The following ANKS1B variants were observed in gnomAD, a reference collection of about 807,000 sequenced individuals.
ANKS1B encodes ankyrin repeat and sterile alpha motif domain containing 1B.
In ANKS1B, 36 loss-of-function variants were observed where a neutral mutation model predicts 148.3. The ratio of observed to expected loss-of-function variants is 0.24; its 90% CI spans 0.19 to 0.32. The LOEUF (loss-of-function observed/expected upper bound fraction) is 0.32. Among genes scored for constraint, ANKS1B ranks in the 10% least tolerant of loss-of-function variants. The pLI is 1.00. For synonymous variants in ANKS1B, 542 were observed against 560.8 expected (o/e 0.97, Z 0.47); for missense variants, 1,157 against 1,542.6 (o/e 0.75, Z 4.19).
chr12:99,568,234 TGCATTCCTTGG>T (rs1447195756), intron 9 of ANKS1B, among the ~76,000 whole-genome samples: 1 of 152,188 alleles, frequency 6.6e-6, no homozygotes, highest in Non-Finnish European at 1.5e-5. Flanking sequence ...AGAGGAGACT[TGCATTCCTTGG>T]GCTCATGGCC....
chr12:98,839,181 AT>A (rs2099391844), intron 17 of ANKS1B, among the ~76,000 whole-genome samples: 1 of 152,232 alleles, frequency 6.6e-6, no homozygotes, highest in Non-Finnish European at 1.5e-5. Context: ...GAGTTGTAAT[AT>A]AAAGGGGACA....
chr12:99,562,205 T>C (rs1195719925), intron 9 of ANKS1B, among the ~76,000 whole-genome samples: 1 of 152,218 alleles, frequency 6.6e-6, no homozygotes, highest in Non-Finnish European at 1.5e-5. Context: ...ACTGATGTGC[T>C]TTCATCCACC....
chr12:99,824,622 G>A (rs960060719), intron 2 of ANKS1B, among the ~76,000 whole-genome samples: 29 of 152,000 alleles, frequency 1.9e-4, no homozygotes, highest in African/African-American at 7.0e-4. Context: ...TTTTCTGTAG[G>A]GGAGGACAGA....
intron 9 of ANKS1B, among the ~76,000 whole-genome samples, chr12:99,623,167 T>C (rs1567501848): frequency 6.6e-6 from 1 of 151,890 alleles, no homozygotes; most frequent in African/African-American, 2.4e-5. Context: ...GTCATCTCAA[T>C]AGATGCAGAA....
At chr12:99,767,849 CATA>C (rs1405515244) in intron 8 of ANKS1B, among the ~76,000 whole-genome samples, 9 of 152,168 alleles carry the variant, frequency 5.9e-5, no homozygotes, top group African/African-American at 2.2e-4. Context: ...TACATTCAAT[CATA>C]ATAAGAATTT....
intron 9 of ANKS1B, among the ~76,000 whole-genome samples, chr12:99,636,861 T>C (rs925404996): frequency 1.3e-5 from 2 of 152,164 alleles, no homozygotes; most frequent in Non-Finnish European, 1.5e-5. Context: ...AATTTAATGT[T>C]TTAAAATACA....
intron 9 of ANKS1B, among the ~76,000 whole-genome samples, chr12:99,525,460 C>T (rs12301014): frequency 0.034 from 5,249 of 152,148 alleles, 309 homozygotes; most frequent in African/African-American, 0.12. Context: ...TGGAGATCAA[C>T]CTTTATCAGA....
chr12:98,854,354 G>T lies in ANKS1B; in HGVS notation c.2779-22218C>A, dbSNP rs139556913. Among the ~76,000 whole-genome samples the T allele has an allele frequency of 2.3e-3, 343 of 152,260 alleles. 1 individual carries two copies. Among genetic ancestry groups the T allele is most frequent in the Middle Eastern group, 0.01 (3 of 294 alleles). On this transcript the variant is annotated intron_variant, in intron 17 of 26. Coordinates refer to ENST00000683438, the MANE Select transcript of ANKS1B (RefSeq NM_001352186.2). ...CATGGGAAGTTTTGGAAATGCATTT[G>T]TTCTCCTCCATATCTACCACTGAAA...
intron 11 of ANKS1B, 46 bp from the exon 12 acceptor site, chr12:99,399,857 T>A: frequency 6.3e-7 from 1 of 1,588,910 alleles, no homozygotes. Context: ...ATCATGTTCA[T>A]CTTCAGCCCA....
intron 15 of ANKS1B, among the ~76,000 whole-genome samples, chr12:99,143,312 T>C (rs1254071277): frequency 6.6e-6 from 1 of 152,150 alleles, no homozygotes; most frequent in Non-Finnish European, 1.5e-5. Context: ...TTCTCACCTC[T>C]GTAATTTGTA....
Position 99,935,609 on chromosome 12 carries a change from G to C in ANKS1B, c.134+48495C>G, listed in dbSNP as rs149503241. On this transcript the variant is annotated intron_variant, in intron 1 of 26. Coordinates refer to ENST00000683438, the MANE Select transcript of ANKS1B (RefSeq NM_001352186.2). Reference sequence around the variant, plus strand: ...CACCCATTTTCTTGCTGTCAGTCAGGAGCCACTCTCAACTTCTAGATGCCA... The same window carrying C: ...CACCCATTTTCTTGCTGTCAGTCAGCAGCCACTCTCAACTTCTAGATGCCA... Among the ~76,000 whole-genome samples, 426 of 152,102 alleles carry C rather than the reference G, an allele frequency of 2.8e-3. 4 individuals are homozygous for C. The highest frequency in any genetic ancestry group is 0.028 in the South Asian group (134 of 4,798).
chr12:99,294,382 A>G (rs1286473341), intron 12 of ANKS1B, among the ~76,000 whole-genome samples: 1 of 152,220 alleles, frequency 6.6e-6, no homozygotes, highest in African/African-American at 2.4e-5. Flanking sequence ...AACAACATGG[A>G]TGGAACTGGA....
At chr12:99,780,057 A>G (rs868586613) in intron 5 of ANKS1B, 85 bp from the exon 6 acceptor site, 50 of 912,528 alleles carry the variant, frequency 5.5e-5, no homozygotes, top group South Asian at 2.6e-4. Context: ...CTGTAATTTC[A>G]GACATATACA....
intron 9 of ANKS1B, among the ~76,000 whole-genome samples, chr12:99,553,392 A>T (rs1177657627): frequency 6.6e-6 from 1 of 151,960 alleles, no homozygotes; most frequent in Non-Finnish European, 1.5e-5. Flanking sequence ...AGATGAGAGG[A>T]TTTGGAAGAC....
At chr12:99,215,359 C>T (rs1419035386) in intron 14 of ANKS1B, among the ~76,000 whole-genome samples, 1 of 152,202 alleles carries the variant, frequency 6.6e-6, no homozygotes, top group East Asian at 1.9e-4. Flanking sequence ...AGATCCCCCA[C>T]ACAGAGTCCC....
downstream of ANKS1B, among the ~76,000 whole-genome samples, chr12:98,743,076 A>T (rs2097815521): frequency 6.6e-6 from 1 of 152,228 alleles, no homozygotes; most frequent in South Asian, 2.1e-4. Context: ...TTGAGGCTAG[A>T]TCACTTATCA....
At chr12:99,159,203 C>T (rs1265921119) in intron 14 of ANKS1B, among the ~76,000 whole-genome samples, 1 of 152,120 alleles carries the variant, frequency 6.6e-6, no homozygotes, top group Non-Finnish European at 1.5e-5. Flanking sequence ...AGCTTTCCCC[C>T]AAGAGGTTGA....
intron 9 of ANKS1B, among the ~76,000 whole-genome samples, chr12:99,531,795 G>A (rs769550544): frequency 1.7e-4 from 26 of 152,164 alleles, no homozygotes; most frequent in Non-Finnish European, 1.5e-5. Flanking sequence ...TTCCATAGAG[G>A]TTTTACTAAT....
At chr12:98,824,181 A>G (rs940664635) in intron 19 of ANKS1B, among the ~76,000 whole-genome samples, 5 of 152,258 alleles carry the variant, frequency 3.3e-5, no homozygotes, top group African/African-American at 1.2e-4. Flanking sequence ...GTAGAGAAAT[A>G]TGGCATCCAT....
Sources: gnomAD v4.1 joint callset for allele counts (sites outside exome capture counted in the v4.1 genomes callset) on GRCh38, gnomAD v4.1.1 for gene constraint, MANE v1.5 for transcripts, NCBI Gene and HGNC (gene_info 2026-07-23, HGNC 2026-07-21) for gene names.